EXOC2: variants seen among roughly 807,000 people sequenced by gnomAD.
EXOC2 encodes exocyst complex component 2.
EXOC2 carries 70 observed loss-of-function variants against 131.8 expected under a neutral mutation model. The observed-to-expected ratio is 0.53, with a 90% confidence interval of 0.44 to 0.65. EXOC2 has a LOEUF of 0.65. Among genes scored for constraint, EXOC2 ranks in the 30% least tolerant of loss-of-function variants. The probability of loss-of-function intolerance (pLI) is 0.00; values close to 1 mark genes in which losing one functional copy is unlikely to be tolerated. For synonymous variants in EXOC2, 411 were observed against 398.4 expected (o/e 1.03, Z -0.38); for missense variants, 923 against 1,108.6 (o/e 0.83, Z 2.38).
intron 6 of EXOC2, among the ~76,000 whole-genome samples, chr6:612,667 T>C (rs1248293131): frequency 1.3e-5 from 2 of 152,130 alleles, no homozygotes; most frequent in Non-Finnish European, 2.9e-5. Context: ...CATACATCAA[T>C]AGACACTAAC....
chr6:491,740 G>T (rs1238677598), intron 25 of EXOC2, among the ~76,000 whole-genome samples: 1 of 152,156 alleles, frequency 6.6e-6, no homozygotes, highest in Non-Finnish European at 1.5e-5. Context: ...AAATTCATAA[G>T]GAAATGCAAG....
At chr6:545,146 T>G (rs1193061289) in intron 22 of EXOC2, among the ~76,000 whole-genome samples, 1 of 75,184 alleles carries the variant, frequency 1.3e-5, no homozygotes, top group Non-Finnish European at 2.2e-5. Flanking sequence ...AGAGCGAGAC[T>G]CCGTCTCAAA....
chr6:488,485 G>A (rs1763223597), intron 27 of EXOC2, among the ~76,000 whole-genome samples: 1 of 151,842 alleles, frequency 6.6e-6, no homozygotes, highest in Admixed American at 6.6e-5. Flanking sequence ...AAATATATAT[G>A]TATATATAAA....
chr6:504,366 G>A (rs929184318), intron 23 of EXOC2, among the ~76,000 whole-genome samples: 3 of 152,256 alleles, frequency 2.0e-5, no homozygotes, highest in South Asian at 2.1e-4. Context: ...ATGGCAGAAC[G>A]ATGTGTGGGA....
At chr6:514,000 C>A (rs1174798671) in intron 23 of EXOC2, among the ~76,000 whole-genome samples, 1 of 152,164 alleles carries the variant, frequency 6.6e-6, no homozygotes, top group African/African-American at 2.4e-5. Flanking sequence ...GATTAGCTTG[C>A]TGAAAAATGA....
At chr6:637,604 T>A in intron 2 of EXOC2, 97 bp downstream of exon 2, 2 of 881,508 alleles carry the variant, frequency 2.3e-6, no homozygotes, top group South Asian at 3.7e-5. Flanking sequence ...AAGATGTTTG[T>A]TCTATCACCT....
At chr6:530,915 C>G (rs955098906) in intron 23 of EXOC2, among the ~76,000 whole-genome samples, 5 of 152,212 alleles carry the variant, frequency 3.3e-5, no homozygotes, top group Non-Finnish European at 7.3e-5. Flanking sequence ...CAACTATTCA[C>G]AAAGCACGGG....
chr6:555,232 A>G lies in EXOC2; in HGVS notation c.2049T>C (p.Thr683=), dbSNP rs1171883948. 6.7e-7 allele frequency: 1 copy of G among 1,496,882 alleles called. No individual in the cohort carries two copies. The highest frequency in any genetic ancestry group is 1.8e-5 in the Admixed American group (1 of 56,196). The allele number at this position is 1,496,882 out of a possible 1,614,324, so 92.7% of individuals were successfully genotyped here. The change falls in exon 20 of 28, where the codon ACT becomes ACC. Residue 683 remains threonine (T), a synonymous_variant. Transcript: ENST00000230449. ...TTAATTTAATTTTTACTTACTGTGTAGTATCTATATCTGCATCAGGCTTGG... is the reference window on the plus strand; with the variant it reads ...TTAATTTAATTTTTACTTACTGTGTGGTATCTATATCTGCATCAGGCTTGG... ...LSTKPDADID[T]THLSVDVSSP...
At chr6:499,430 A>AC (rs1763914173) in intron 24 of EXOC2, among the ~76,000 whole-genome samples, 1 of 141,642 alleles carries the variant, frequency 7.1e-6, no homozygotes, top group African/African-American at 2.6e-5. Context: ...CTCACAGTTA[A>AC]ACACACACAC....
intron 1 of EXOC2, among the ~76,000 whole-genome samples, chr6:680,696 G>A (rs1764363854): frequency 6.6e-6 from 1 of 152,090 alleles, no homozygotes; most frequent in African/African-American, 2.4e-5. Context: ...TTTTTGGGCT[G>A]GGGGTGGTGC....
intron 13 of EXOC2, 131 bp from the exon 14 acceptor site, chr6:565,060 T>C (rs1189938315): frequency 1.9e-5 from 12 of 619,964 alleles, no homozygotes; most frequent in Non-Finnish European, 2.5e-5. Flanking sequence ...TAAGACATAA[T>C]CTATGTTTCT....
chr6:642,828 T>C (rs1486004642), intron 1 of EXOC2, among the ~76,000 whole-genome samples: 1 of 151,988 alleles, frequency 6.6e-6, no homozygotes, highest in Non-Finnish European at 1.5e-5. Flanking sequence ...TATAGATCAA[T>C]ATAGTTATAG....
intron 1 of EXOC2, among the ~76,000 whole-genome samples, chr6:687,395 C>A (rs1385131521): frequency 6.6e-6 from 1 of 151,902 alleles, no homozygotes; most frequent in Non-Finnish European, 1.5e-5. Context: ...GTTGCCCAGG[C>A]TGGTCTCAAA....
intron 4 of EXOC2, among the ~76,000 whole-genome samples, chr6:628,870 C>T (rs750407452): frequency 2.0e-5 from 3 of 152,220 alleles, no homozygotes; most frequent in Non-Finnish European, 4.4e-5. Flanking sequence ...AATCCTTAAA[C>T]GGCTCTAGAA....
intron 1 of EXOC2, among the ~76,000 whole-genome samples, chr6:662,357 A>G (rs1763459940): frequency 6.6e-6 from 1 of 152,248 alleles, no homozygotes; most frequent in African/African-American, 2.4e-5. Context: ...TATACATTCT[A>G]TTCAACAGCA....
At chr6:563,530 C>T (rs1466407889) in intron 16 of EXOC2, among the ~76,000 whole-genome samples, 3 of 152,132 alleles carry the variant, frequency 2.0e-5, no homozygotes, top group African/African-American at 4.8e-5. Context: ...AACTAAAAGG[C>T]TGCTTTGTAA....
intron 1 of EXOC2, among the ~76,000 whole-genome samples, chr6:652,959 G>T (rs552785426): frequency 8.3e-4 from 126 of 152,220 alleles, no homozygotes; most frequent in Non-Finnish European, 1.6e-3. Context: ...GGTAATTCTT[G>T]CATTATCTCA....
At chr6:639,650 C>T (rs774690074) in intron 1 of EXOC2, among the ~76,000 whole-genome samples, 2 of 152,198 alleles carry the variant, frequency 1.3e-5, no homozygotes, top group Non-Finnish European at 2.9e-5. Context: ...AGGGAAGGGC[C>T]GCTTGCTTGT....
intron 1 of EXOC2, among the ~76,000 whole-genome samples, chr6:668,801 C>G (rs1048580584): frequency 1.3e-5 from 2 of 152,208 alleles, no homozygotes; most frequent in Non-Finnish European, 1.5e-5. Flanking sequence ...CACCAGCATA[C>G]TCTAGATTAC....
Sources: allele counts gnomAD v4.1 joint callset (sites outside exome capture counted in the v4.1 genomes callset), GRCh38; gene constraint gnomAD v4.1.1; transcripts MANE v1.5; gene names NCBI Gene and HGNC (gene_info 2026-07-23, HGNC 2026-07-21).